Variants in CTNNA3 observed in about 807,000 individuals in gnomAD.
CTNNA3 encodes the protein catenin alpha 3.
A neutral mutation model predicts 95.7 loss-of-function variants in CTNNA3; 76 were observed. The ratio of observed to expected loss-of-function variants is 0.79; its 90% confidence interval spans 0.66 to 0.96. The LOEUF (loss-of-function observed/expected upper bound fraction) is 0.96. Ranked by LOEUF, CTNNA3 falls within the 40% of genes least tolerant of loss-of-function variation. The pLI is 0.00. For missense variants in CTNNA3, 1,191 were observed against 1,089.8 expected (o/e 1.09, Z -1.31); for synonymous variants, 431 against 374.4 (o/e 1.15, Z -1.74).
At chr10:67,746,213 CA>C (rs1564845444) in intron 1 of CTNNA3, among the ~76,000 whole-genome samples, 2 of 152,096 alleles carry the variant, frequency 1.3e-5, no homozygotes, top group East Asian at 3.9e-4. Flanking sequence ...ATGGTCCTAG[CA>C]TAAACAGGGA....
chr10:67,707,812 T>C (rs1841086605), intron 1 of CTNNA3, among the ~76,000 whole-genome samples: 1 of 152,168 alleles, frequency 6.6e-6, no homozygotes, highest in Non-Finnish European at 1.5e-5. Context: ...GATGTCAGCT[T>C]CATCAGAGAT....
intron 5 of CTNNA3, among the ~76,000 whole-genome samples, chr10:67,282,188 G>A (rs976839935): frequency 5.3e-5 from 8 of 151,754 alleles, no homozygotes; most frequent in Non-Finnish European, 1.0e-4. Context: ...TATTCCTTAC[G>A]CAACTTGGTC....
In CTNNA3 at chr10:66,817,461, A is replaced by G. The variant is rs187972216; in HGVS notation, c.1048-41937T>C. On this transcript the variant is annotated intron_variant, in intron 7 of 17. Coordinates refer to ENST00000433211, the MANE Select transcript of CTNNA3 (RefSeq NM_013266.4). ...AAAAGAGAGAATTCTCAAATTACCAAAATCAGGAATGAAAGCATGGACATT... is the reference window on the plus strand; with the variant it reads ...AAAAGAGAGAATTCTCAAATTACCAGAATCAGGAATGAAAGCATGGACATT... 4.0e-3 allele frequency among the ~76,000 whole-genome samples: 604 copies of G among 152,102 alleles called. 5 individuals carry two copies. The highest frequency in any genetic ancestry group is 0.014 in the African/African-American group (564 of 41,556).
At position 65,915,795 on chromosome 10, in the gene CTNNA3, C is replaced by T. The variant is rs2077000112; in HGVS notation, c.*4535G>A. The stretch of plus-strand genomic sequence containing the variant: ...GGGAAAATATTCACATGCAAGAAGA[C>T]TAGTGTTTTAAACTATTCTTTATTT... On this transcript the variant is annotated 3_prime_UTR_variant, in exon 18 of 18. Coordinates refer to ENST00000433211, the MANE Select transcript of CTNNA3 (RefSeq NM_013266.4). 6.6e-6 allele frequency: 1 copy of T among 152,112 alleles called. No individual in the cohort carries two copies. Among genetic ancestry groups the T allele is most frequent in the African/African-American group, 2.4e-5 (1 of 41,424 alleles). 9.4% of individuals were successfully genotyped at this position (152,112 alleles called of 1,614,324 possible).
chr10:67,590,749 A>G (rs1242842504), intron 3 of CTNNA3, among the ~76,000 whole-genome samples: 1 of 151,876 alleles, frequency 6.6e-6, no homozygotes, highest in Non-Finnish European at 1.5e-5. Context: ...TTGATTTGTG[A>G]AGGTTCGCTA....
chr10:67,116,056 C>G (rs1403112693), intron 7 of CTNNA3, among the ~76,000 whole-genome samples: 2 of 151,864 alleles, frequency 1.3e-5, no homozygotes, highest in Non-Finnish European at 2.9e-5. Flanking sequence ...AAAGAACAAT[C>G]AGCCAGATCC....
intron 7 of CTNNA3, among the ~76,000 whole-genome samples, chr10:67,080,795 G>A (rs1422819950): frequency 6.6e-6 from 1 of 152,062 alleles, no homozygotes; most frequent in Non-Finnish European, 1.5e-5. Context: ...TGTGGTCCCA[G>A]CTACTCGGGA....
At chr10:66,655,417 AAGAG>A (rs1196725024) in intron 9 of CTNNA3, among the ~76,000 whole-genome samples, 12 of 152,166 alleles carry the variant, frequency 7.9e-5, no homozygotes, top group African/African-American at 2.6e-4. Flanking sequence ...GAGAATCTAT[AAGAG>A]AGAAAGATGG....
chr10:67,152,037 G>GT (rs1230612032), intron 7 of CTNNA3, among the ~76,000 whole-genome samples: 1 of 152,136 alleles, frequency 6.6e-6, no homozygotes, highest in East Asian at 1.9e-4. Flanking sequence ...GCTCCATATT[G>GT]TAAGAGTTTA....
chr10:66,243,585 G>A (rs974216990), intron 13 of CTNNA3, among the ~76,000 whole-genome samples: 1 of 152,060 alleles, frequency 6.6e-6, no homozygotes, highest in African/African-American at 2.4e-5. Context: ...GCTTTGAGTT[G>A]TCCTGCCTCT....
intron 9 of CTNNA3, among the ~76,000 whole-genome samples, chr10:66,677,483 C>A (rs543001166): frequency 1.3e-5 from 2 of 152,172 alleles, no homozygotes; most frequent in South Asian, 2.1e-4. Context: ...GCTGTGTTCC[C>A]ACCCAAATCT....
At chr10:67,268,367 A>T (rs908420386) in intron 5 of CTNNA3, among the ~76,000 whole-genome samples, 1 of 151,460 alleles carries the variant, frequency 6.6e-6, no homozygotes, top group Admixed American at 6.6e-5. Context: ...ATAAATAAAT[A>T]AAAAATCAGC....
intron 9 of CTNNA3, among the ~76,000 whole-genome samples, chr10:66,683,130 G>A (rs1847126540): frequency 6.6e-6 from 1 of 152,172 alleles, no homozygotes; most frequent in South Asian, 2.1e-4. Context: ...TAAAAATCAA[G>A]TAAGGTGATA....
At chr10:66,559,405 C>T (rs1057405082) in intron 10 of CTNNA3, among the ~76,000 whole-genome samples, 1 of 132,764 alleles carries the variant, frequency 7.5e-6, no homozygotes, top group Non-Finnish European at 1.6e-5. Flanking sequence ...CACAATATTG[C>T]CTCCTTCCAG....
In CTNNA3 at chr10:65,917,462, T is replaced by TA. The variant is rs1233335902; in HGVS notation, c.*2867_*2868insT. On this transcript the variant is annotated 3_prime_UTR_variant, in exon 18 of 18. Transcript: ENST00000433211. Reference sequence around the variant, plus strand: ...GGCCATTTAGTGGATTATTATTTCGTTTTTTTTTAAATTTTCATTCTAATT... The same window carrying TA: ...GGCCATTTAGTGGATTATTATTTCGTATTTTTTTTAAATTTTCATTCTAATT... 11 of 6,794 alleles carry TA rather than the reference T, an allele frequency of 1.6e-3. No homozygotes were observed. The highest frequency in any genetic ancestry group is 9.7e-3 in the African/African-American group (11 of 1,132). The allele number at this position is 6,794 out of a possible 1,614,324, so 0.4% of individuals were successfully genotyped here.
chr10:66,738,863 A>C (rs1849234111), intron 9 of CTNNA3, among the ~76,000 whole-genome samples: 1 of 152,154 alleles, frequency 6.6e-6, no homozygotes, highest in African/African-American at 2.4e-5. Flanking sequence ...TATTTCCCGC[A>C]CTACTGGTAT....
chr10:66,471,694 G>A (rs978496478), intron 11 of CTNNA3, among the ~76,000 whole-genome samples: 2 of 150,674 alleles, frequency 1.3e-5, no homozygotes, highest in East Asian at 3.9e-4. Context: ...TATAAAGGTC[G>A]GCTCCACCGT....
chr10:67,760,349 G>C (rs2131758018), intron 1 of CTNNA3, among the ~76,000 whole-genome samples: 1 of 152,238 alleles, frequency 6.6e-6, no homozygotes, highest in Non-Finnish European at 1.5e-5. Flanking sequence ...TTGTGCCAGA[G>C]ACTAACAAAT....
chr10:66,763,335 C>CAGAGAGAG (rs1247071541), intron 9 of CTNNA3, among the ~76,000 whole-genome samples: 3,169 of 113,280 alleles, frequency 0.028, 40 homozygotes, highest in Middle Eastern at 0.12. Context: ...CACACACACA[C>CAGAGAGAG]ACACACAGAG....
Sources: gnomAD v4.1 joint callset for allele counts (sites outside exome capture counted in the v4.1 genomes callset) on GRCh38, gnomAD v4.1.1 for gene constraint, MANE v1.5 for transcripts, NCBI Gene and HGNC (gene_info 2026-07-23, HGNC 2026-07-21) for gene names.